Variants in FBXW7 observed in about 807,000 individuals in gnomAD.
The protein encoded by FBXW7 is F-box and WD repeat domain containing 7, also known as F-box/WD repeat-containing protein 7.
A neutral mutation model predicts 86.3 loss-of-function variants in FBXW7; 11 were observed. The observed-to-expected ratio is 0.13, with a 90% CI of 0.08 to 0.21. FBXW7 has a LOEUF of 0.21. FBXW7 is among the 10% of genes least tolerant of loss of function. The pLI, the probability that FBXW7 is intolerant of heterozygous loss-of-function variation, is 1.00. For missense variants in FBXW7, 488 were observed against 847.4 expected (o/e 0.58, Z 5.27); for synonymous variants, 313 against 297.9 (o/e 1.05, Z -0.52).
At chr4:152,443,187 G>A (rs769437852) in intron 2 of FBXW7, among the ~76,000 whole-genome samples, 10 of 152,236 alleles carry the variant, frequency 6.6e-5, no homozygotes, top group African/African-American at 1.4e-4. Flanking sequence ...ACTTGAACCC[G>A]GGAGGCGGAG....
chr4:152,388,303 T>A (rs1735719714), intron 4 of FBXW7, among the ~76,000 whole-genome samples: 3 of 152,196 alleles, frequency 2.0e-5, no homozygotes, highest in Admixed American at 2.0e-4. Context: ...AGAAATATGC[T>A]TGGGTTCTGA....
intron 4 of FBXW7, among the ~76,000 whole-genome samples, chr4:152,397,695 C>CAAAAAAAAAAAAAAAAAAAAAAAAAAA (rs397995836): frequency 1.7e-5 from 1 of 60,406 alleles, no homozygotes; most frequent in African/African-American, 5.6e-5. Context: ...CCTAAGAAGC[C>CAAAAAAAAAAAAAAAAAAAAAAAAAAA]AAAAAAAAAA....
intron 4 of FBXW7, among the ~76,000 whole-genome samples, chr4:152,351,867 C>G (rs1392896699): frequency 6.6e-6 from 1 of 151,912 alleles, no homozygotes; most frequent in African/African-American, 2.4e-5. Flanking sequence ...AAACATGCCC[C>G]AAAATGTGTA....
chr4:152,441,777 G>C (rs1228900479), intron 2 of FBXW7, among the ~76,000 whole-genome samples: 1 of 152,204 alleles, frequency 6.6e-6, no homozygotes, highest in African/African-American at 2.4e-5. Context: ...TTGGAGGATA[G>C]ACTGCTATTA....
intron 2 of FBXW7, among the ~76,000 whole-genome samples, chr4:152,475,244 C>T (rs950011153): frequency 1.3e-5 from 2 of 151,770 alleles, no homozygotes; most frequent in Non-Finnish European, 2.9e-5. Context: ...CCTGTGAACA[C>T]AGCAAGACCT....
intron 4 of FBXW7, among the ~76,000 whole-genome samples, chr4:152,376,921 T>C (rs1369363913): frequency 6.6e-6 from 1 of 151,460 alleles, no homozygotes; most frequent in African/African-American, 2.4e-5. Flanking sequence ...ATCTGTGAGA[T>C]AACTCTATAA....
rs1728804639 is a variant in FBXW7 at position 152,324,236 on chromosome 4, A to G, written c.1803T>C (p.Ser601=). 6.2e-7 allele frequency: 1 copy of G among 1,612,928 alleles called. No homozygotes were observed. The highest frequency in any genetic ancestry group is 1.3e-5 in the African/African-American group (1 of 74,962). Reference sequence around the variant, plus strand: ...TTTTGATATCCCAGATTTTAACTGTAGAATCTGCATTCCCAGAGACAAGAA... The same window carrying G: ...TTTTGATATCCCAGATTTTAACTGTGGAATCTGCATTCCCAGAGACAAGAA... ...DNILVSGNAD[S]TVKIWDIKTG... is the part of the protein sequence containing the mutation. The change falls in exon 13 of 14, where the codon TCT becomes TCC. Residue 601 remains serine, a synonymous_variant. Transcript: ENST00000281708.
At chr4:152,456,798 C>T (rs75621622) in intron 2 of FBXW7, among the ~76,000 whole-genome samples, 2,721 of 152,148 alleles carry the variant, frequency 0.018, 127 homozygotes, top group East Asian at 0.17. Context: ...TGATACAAAC[C>T]GGAAAAGTTT....
intron 2 of FBXW7, among the ~76,000 whole-genome samples, chr4:152,471,354 A>G (rs1368162714): frequency 1.3e-5 from 2 of 149,744 alleles, no homozygotes; most frequent in Non-Finnish European, 3.0e-5. Context: ...TTACAATTAC[A>G]GGGAGGGAAG....
chr4:152,500,789 T>C (rs920288659), intron 2 of FBXW7, among the ~76,000 whole-genome samples: 2 of 152,190 alleles, frequency 1.3e-5, no homozygotes, highest in African/African-American at 4.8e-5. Context: ...ATTCAAAAGA[T>C]TATTAGCAGC....
chr4:152,454,315 A>G lies in FBXW7; in HGVS notation c.-119-41786T>C, dbSNP rs528605427. 3.2e-4 allele frequency among the ~76,000 whole-genome samples: 40 copies of G among 124,098 alleles called. 1 individual carries two copies. Among genetic ancestry groups the G allele is most frequent in the Admixed American group, 3.0e-3 (30 of 9,912 alleles). 81.4% of individuals were successfully genotyped at this position (124,098 alleles called of 152,430 possible). A position where few individuals can be genotyped will look rare whatever the true frequency, so the allele number is the denominator to read the frequency against. ...TTGCAGAAACCATGTTAGGTGTCTC[A>G]TATTCTGAAATTGTCTGTGCTTCTT... On this transcript the variant is annotated intron_variant, in intron 2 of 13. Coordinates refer to ENST00000281708, the MANE Select transcript of FBXW7 (RefSeq NM_001349798.2).
intron 2 of FBXW7, among the ~76,000 whole-genome samples, chr4:152,533,830 A>G (rs1206979756): frequency 6.6e-6 from 1 of 152,244 alleles, no homozygotes. Context: ...AAAGTTTTAA[A>G]TTAATCTAAT....
chr4:152,452,329 A>G (rs1741983477), intron 2 of FBXW7, among the ~76,000 whole-genome samples: 1 of 152,212 alleles, frequency 6.6e-6, no homozygotes, highest in Non-Finnish European at 1.5e-5. Flanking sequence ...TAGAATCACT[A>G]AAAATCTTTG....
intron 4 of FBXW7, among the ~76,000 whole-genome samples, chr4:152,353,573 A>C (rs187424336): frequency 1.9e-4 from 29 of 152,196 alleles, no homozygotes; most frequent in Admixed American, 1.9e-3. Flanking sequence ...TATCCCCAAA[A>C]GAGCAAACAC....
At chr4:152,346,620 T>C (rs868321882) in intron 6 of FBXW7, among the ~76,000 whole-genome samples, 1 of 152,156 alleles carries the variant, frequency 6.6e-6, no homozygotes, top group South Asian at 2.1e-4. Context: ...ACTATCCAAT[T>C]CCAGAACACT....
chr4:152,385,326 C>T (rs1417781458), intron 4 of FBXW7, among the ~76,000 whole-genome samples: 1 of 151,900 alleles, frequency 6.6e-6, no homozygotes, highest in Non-Finnish European at 1.5e-5. Context: ...CCTAGTTAGC[C>T]ATCAGTGGTT....
Position 152,469,786 on chromosome 4 carries a change from T to C in FBXW7, c.-119-57257A>G, listed in dbSNP as rs140797944. Reference sequence around the variant, plus strand: ...AGAACAAGAGAGAAAAGGATTGGAATAGGTTTAAGGAGACAAAAATTCTAG... The same window carrying C: ...AGAACAAGAGAGAAAAGGATTGGAACAGGTTTAAGGAGACAAAAATTCTAG... On this transcript the variant is annotated intron_variant, in intron 2 of 13. Coordinates refer to ENST00000281708, the MANE Select transcript of FBXW7 (RefSeq NM_001349798.2). 5.3e-5 allele frequency among the ~76,000 whole-genome samples: 8 copies of C among 152,246 alleles called. No homozygotes were observed. In the East Asian group the frequency reaches 1.5e-3, roughly 29 times the overall value.
At chr4:152,466,221 C>T (rs75223430) in intron 2 of FBXW7, among the ~76,000 whole-genome samples, 2,265 of 152,180 alleles carry the variant, frequency 0.015, 25 homozygotes, top group Admixed American at 0.023. Context: ...CATAACGTCA[C>T]ATAACGATAA....
At chr4:152,387,623 AAC>A (rs1553966608) in intron 4 of FBXW7, among the ~76,000 whole-genome samples, 16 of 151,342 alleles carry the variant, frequency 1.1e-4, no homozygotes, top group African/African-American at 3.9e-4. Context: ...AAAAAAAAAA[AAC>A]ATCCAGCAAG....
Sources: allele counts gnomAD v4.1 joint callset (sites outside exome capture counted in the v4.1 genomes callset), GRCh38; gene constraint gnomAD v4.1.1; transcripts MANE v1.5; gene names NCBI Gene and HGNC (gene_info 2026-07-23, HGNC 2026-07-21).